CFAP299: variants seen among roughly 807,000 people sequenced by gnomAD.
CFAP299 encodes cilia- and flagella-associated protein 299.
Under a neutral mutation model 27.0 loss-of-function variants are expected in CFAP299, and 21 were observed. The ratio of observed to expected loss-of-function variants is 0.78; its 90% CI spans 0.55 to 1.12. CFAP299 has a LOEUF of 1.12. Among genes scored for constraint, CFAP299 ranks in the 50% most tolerant of loss-of-function variants. The pLI is 0.00. For missense variants in CFAP299, 310 were observed against 276.6 expected (o/e 1.12, Z -0.86); for synonymous variants, 104 against 98.1 (o/e 1.06, Z -0.36).
intron 2 of CFAP299, among the ~76,000 whole-genome samples, chr4:80,433,542 G>T (rs1005985579): frequency 4.6e-5 from 7 of 152,054 alleles, no homozygotes; most frequent in Non-Finnish European, 8.8e-5. Flanking sequence ...TGGCTTTAAT[G>T]ATTGTAAATA....
chr4:80,409,551 C>T (rs1442173738), intron 2 of CFAP299, among the ~76,000 whole-genome samples: 1 of 152,126 alleles, frequency 6.6e-6, no homozygotes, highest in Non-Finnish European at 1.5e-5. Flanking sequence ...ACATAGGTAT[C>T]ATGAAGAAAA....
chr4:80,912,412 A>G (rs576747224), intron 4 of CFAP299, among the ~76,000 whole-genome samples: 1 of 152,170 alleles, frequency 6.6e-6, no homozygotes, highest in South Asian at 2.1e-4. Flanking sequence ...CCTAAGAGAG[A>G]CCTTGGAGAA....
intron 4 of CFAP299, among the ~76,000 whole-genome samples, chr4:80,940,884 A>G (rs1167193342): frequency 6.6e-6 from 1 of 152,200 alleles, no homozygotes; most frequent in Non-Finnish European, 1.5e-5. Context: ...AATGGTAAAT[A>G]TAAGCACACA....
At chr4:80,548,365 G>A (rs1210183062) in intron 2 of CFAP299, among the ~76,000 whole-genome samples, 3 of 152,020 alleles carry the variant, frequency 2.0e-5, no homozygotes, top group Non-Finnish European at 4.4e-5. Flanking sequence ...GAAACAATAG[G>A]TACTAGGTAG....
chr4:80,375,148 T>C (rs1203238517), intron 2 of CFAP299, among the ~76,000 whole-genome samples: 1 of 151,950 alleles, frequency 6.6e-6, no homozygotes, highest in Non-Finnish European at 1.5e-5. Context: ...CTCAGGAAAA[T>C]GGCAATGCTG....
At chr4:80,637,964 AGC>A (rs1739534140) in intron 3 of CFAP299, among the ~76,000 whole-genome samples, 2 of 152,230 alleles carry the variant, frequency 1.3e-5, no homozygotes, top group African/African-American at 4.8e-5. Context: ...GTTGATTTCT[AGC>A]AATAAAGAAA....
chr4:80,733,429 A>G (rs974473764), intron 3 of CFAP299, among the ~76,000 whole-genome samples: 1 of 152,094 alleles, frequency 6.6e-6, no homozygotes, highest in African/African-American at 2.4e-5. Flanking sequence ...TTGGATATCC[A>G]TCCCCTCAAG....
In CFAP299 at chr4:80,719,669, C is replaced by G. The variant is rs559841059; in HGVS notation, c.333+136486C>G. On this transcript the variant is annotated intron_variant, in intron 3 of 5. Coordinates refer to ENST00000358105, the MANE Select transcript of CFAP299 (RefSeq NM_152770.3). ...TCCTGCCTAGGCTGCCATCACTCGG[C>G]TATGTGGTTTTGTCCAGCACACCAC... 3.3e-5 allele frequency among the ~76,000 whole-genome samples: 5 copies of G among 152,312 alleles called. No homozygotes were observed. The South Asian group carries it at 1.0e-3, about 32-fold the overall frequency.
At chr4:80,613,623 A>G (rs199567467) in intron 3 of CFAP299, among the ~76,000 whole-genome samples, 1 of 152,258 alleles carries the variant, frequency 6.6e-6, no homozygotes, top group East Asian at 1.9e-4. Context: ...GCAGTGTTCT[A>G]CAAAATGCAG....
intron 4 of CFAP299, among the ~76,000 whole-genome samples, chr4:80,884,960 G>T (rs181610679): frequency 6.6e-6 from 1 of 152,286 alleles, no homozygotes; most frequent in African/African-American, 2.4e-5. Flanking sequence ...CATGGAAGAG[G>T]CTCAGAGAGA....
At chr4:80,332,602 T>TA (rs1721981136), upstream of CFAP299, among the ~76,000 whole-genome samples, 1 of 152,212 alleles carries the variant, frequency 6.6e-6, no homozygotes, top group South Asian at 2.1e-4. Context: ...TGTGATAACT[T>TA]ACTTCTTTTG....
At chr4:80,930,672 GA>G (rs1736569495) in intron 4 of CFAP299, among the ~76,000 whole-genome samples, 1 of 152,048 alleles carries the variant, frequency 6.6e-6, no homozygotes, top group Non-Finnish European at 1.5e-5. Context: ...AAGTGGAGGG[GA>G]AAAAATTGTG....
At position 80,726,332 on chromosome 4, in the gene CFAP299, T is replaced by C. The variant is rs376326898; in HGVS notation, c.333+143149T>C. On this transcript the variant is annotated intron_variant, in intron 3 of 5. Transcript: ENST00000358105. The stretch of plus-strand genomic sequence containing the variant: ...CTATAATCTTCAAGTATTTGAGTTT[T>C]GTGGTTTTTGCCTTTTTTAAAAAAT... 5.0e-3 allele frequency among the ~76,000 whole-genome samples: 766 copies of C among 152,296 alleles called. 4 individuals are homozygous for C. Among genetic ancestry groups the C allele is most frequent in the Middle Eastern group, 0.02 (6 of 294 alleles).
rs543746186 is a variant in CFAP299 at position 80,443,419 on chromosome 4, A to C, written c.242+80535A>C. ...GTAATCCATCACATAAACAGAACCA[A>C]TGACAAAAACCACATGATTATCTCA... On this transcript the variant is annotated intron_variant, in intron 2 of 5. Transcript: ENST00000358105. Among the ~76,000 whole-genome samples, 7 of 152,336 alleles carry C rather than the reference A, an allele frequency of 4.6e-5. No individual in the cohort carries two copies. The East Asian group carries it at 1.4e-3, about 29-fold the overall frequency.
chr4:80,899,842 C>A (rs1578223580), intron 4 of CFAP299, among the ~76,000 whole-genome samples: 2 of 152,258 alleles, frequency 1.3e-5, no homozygotes, highest in Non-Finnish European at 2.9e-5. Flanking sequence ...GTTAATAATA[C>A]CTGCCTCAAA....
intron 4 of CFAP299, among the ~76,000 whole-genome samples, chr4:80,880,179 A>AGGAG (rs1733623025): frequency 6.6e-6 from 1 of 152,090 alleles, no homozygotes; most frequent in African/African-American, 2.4e-5. Context: ...CAAGAAAGGA[A>AGGAG]GGAGGGAAGA....
At chr4:80,418,518 G>C (rs773852558) in intron 2 of CFAP299, among the ~76,000 whole-genome samples, 4 of 152,100 alleles carry the variant, frequency 2.6e-5, no homozygotes, top group Non-Finnish European at 5.9e-5. Context: ...TACTTTTAGT[G>C]TTATTGAAAT....
At chr4:80,511,478 C>T (rs1354614349) in intron 2 of CFAP299, among the ~76,000 whole-genome samples, 2 of 152,150 alleles carry the variant, frequency 1.3e-5, no homozygotes, top group Middle Eastern at 3.2e-3. Flanking sequence ...AGTATAATCA[C>T]AGTTTAACAT....
intron 1 of CFAP299, among the ~76,000 whole-genome samples, chr4:80,348,134 A>T (rs1722834053): frequency 6.6e-6 from 1 of 152,196 alleles, no homozygotes; most frequent in Non-Finnish European, 1.5e-5. Context: ...TACACCATAT[A>T]CAAAAATTAG....
Sources: allele counts gnomAD v4.1 joint callset (sites outside exome capture counted in the v4.1 genomes callset), GRCh38; gene constraint gnomAD v4.1.1; transcripts MANE v1.5; gene names NCBI Gene and HGNC (gene_info 2026-07-23, HGNC 2026-07-21).